Variants in ZNF394 observed in about 807,000 individuals in gnomAD.
ZNF394 encodes the protein zinc finger protein 99.
A neutral mutation model predicts 21.8 loss-of-function variants in ZNF394; 19 were observed. The ratio of observed to expected loss-of-function variants is 0.87; its 90% confidence interval spans 0.61 to 1.28. The LOEUF is 1.28. ZNF394 is among the 50% of genes most tolerant of loss of function. The pLI is 0.00. For missense variants in ZNF394, 683 were observed against 708.6 expected (o/e 0.96, Z 0.41); for synonymous variants, 294 against 273.3 (o/e 1.08, Z -0.75).
chr7:99,498,458 A>G (rs1800404613), intron 2 of ZNF394: 3 of 359,276 alleles, frequency 8.4e-6, no homozygotes, highest in Non-Finnish European at 1.5e-5. Context: ...AAGATCTGAT[A>G]AACTTGGGTG....
At chr7:99,496,262 T>TGCCC (rs1800305733) in intron 2 of ZNF394, among the ~76,000 whole-genome samples, 1 of 151,300 alleles carries the variant, frequency 6.6e-6, no homozygotes, top group Admixed American at 6.6e-5. Flanking sequence ...GTGATTCACC[T>TGCCC]GCCTCGGCCT....
rs764235626 is a variant in ZNF394, at chr7:99,493,590, C to A, written c.1625G>T (p.Arg542Leu). ...ERFRQSTHLI[R>L]HQRIHQNKVL... Reference sequence around the variant, plus strand: ...TTTATTTTGATGAATTCTTTGGTGTCGGATAAGGTGTGTACTTTGTCTAAA... The same window carrying A: ...TTTATTTTGATGAATTCTTTGGTGTAGGATAAGGTGTGTACTTTGTCTAAA... The change falls in exon 3 of 3, where the codon CGA (arginine) becomes CTA (leucine). Residue 542 changes from arginine (R) to leucine (L), a missense_variant. Arg to Leu is a moderately radical substitution (Grantham distance 102). Coordinates refer to ENST00000337673, the MANE Select transcript of ZNF394 (RefSeq NM_032164.4). The A allele has an allele frequency of 1.2e-6, 2 of 1,613,886 alleles. No homozygotes were observed. Among genetic ancestry groups the A allele is most frequent in the South Asian group, 2.2e-5 (2 of 91,050 alleles).
Position 99,498,723 on chromosome 7 carries a change from A to G in ZNF394, c.576T>C (p.Val192=). ...ESAQKDSGST[V]PPSLESRVEN... The stretch of plus-strand genomic sequence containing the variant: ...CAGAGCAACAGCACTCACTCGGCGG[A>G]ACTGTGCTCCCGGAATCCTTCTGCG... The change falls in exon 2 of 3, where the codon GTT becomes GTC. Residue 192 remains valine (V), a synonymous_variant. Transcript: ENST00000337673. 1 of 1,614,038 alleles carries G rather than the reference A, an allele frequency of 6.2e-7. No homozygotes were observed. Among genetic ancestry groups the G allele is most frequent in the Non-Finnish European group, 8.5e-7 (1 of 1,179,990 alleles).
chr7:99,487,763 G>A (rs1292659645), intron 1 of ZNF394, among the ~76,000 whole-genome samples: 1 of 151,610 alleles, frequency 6.6e-6, no homozygotes, highest in African/African-American at 2.4e-5. Flanking sequence ...GTGACAGAGT[G>A]AGGCTGTCTC....
In ZNF394 at chr7:99,493,820, C is replaced by A; in HGVS notation, c.1395G>T (p.Gly465=). 1 of 1,611,928 alleles carries A rather than the reference C, an allele frequency of 6.2e-7. No individual in the cohort carries two copies. The highest frequency in any genetic ancestry group is 8.5e-7 in the Non-Finnish European group (1 of 1,179,448). ...NLFRHQRLHK[G]ERPYKCEECE... is the part of the protein sequence containing the mutation. Reference sequence around the variant, plus strand: ...ATTCTTCACACTTATAGGGTCTTTCCCCTTTATGTAGTCTCTGATGTCTAA... The same window carrying A: ...ATTCTTCACACTTATAGGGTCTTTCACCTTTATGTAGTCTCTGATGTCTAA... The change falls in exon 3 of 3, where the codon GGG becomes GGT. Residue 465 remains glycine, a synonymous_variant. Transcript: ENST00000337673.
chr7:99,492,639 CAAAAA>C, downstream of ZNF394, among the ~76,000 whole-genome samples: 1 of 50,488 alleles, frequency 2.0e-5, no homozygotes, highest in South Asian at 7.5e-4. Context: ...GACTCCATCT[CAAAAA>C]AAAAAAAAAA....
chr7:99,486,821 G>A (rs755752640), exon 2 of ZNF394: 12 of 1,614,116 alleles, frequency 7.4e-6, no homozygotes, highest in South Asian at 1.1e-5. Context: ...TATGAATGCA[G>A]TGAATGTGGA....
rs201819396 is a variant in ZNF394 at position 99,498,702 on chromosome 7, G to A, written c.583+14C>T. On this transcript the variant is annotated intron_variant, in intron 2 of 2. Transcript: ENST00000337673. ...CCACACACCGCAATAAACCAGCAGA[G>A]CAACAGCACTCACTCGGCGGAACTG... is the stretch of plus-strand genomic sequence containing the variant. The A allele has an allele frequency of 5.0e-5, 81 of 1,613,744 alleles. 1 individual carries two copies. The highest frequency in any genetic ancestry group is 1.6e-4 in the Middle Eastern group (1 of 6,082).
chr7:99,494,292 G>C lies in ZNF394; in HGVS notation c.923C>G (p.Thr308Ser). 2 of 1,614,250 alleles carry C rather than the reference G, an allele frequency of 1.2e-6. No individual in the cohort carries two copies. Among genetic ancestry groups the C allele is most frequent in the African/African-American group, 1.3e-5 (1 of 75,058 alleles). The change falls in exon 3 of 3, where the codon ACT (threonine) becomes AGT (serine). Residue 308 changes from threonine to serine, a missense_variant. This residue lies in a region of ZNF394 where 7 missense variants were observed against 20.6 expected (regional missense o/e 0.34). Coordinates refer to ENST00000337673, the MANE Select transcript of ZNF394 (RefSeq NM_032164.4). ...CTTGTTCCCGTGTTCCTCACTGTCA[G>C]TGGGCCTCTCTGCTTTCGGGATGTG... ...CQHIPKAERP[T>S]DSEEHGNKCK...
intron 2 of ZNF394, chr7:99,498,356 G>A (rs1424731416): frequency 5.3e-6 from 1 of 189,788 alleles, no homozygotes; most frequent in African/African-American, 2.4e-5. Flanking sequence ...TACCTCTGGA[G>A]AAGGATAGAG....
intron 1 of ZNF394, chr7:99,487,484 CATG>C (rs1800033691): frequency 6.2e-7 from 1 of 1,606,296 alleles, no homozygotes. Flanking sequence ...CAGATATCCA[CATG>C]ATGTTAATTG....
intron 1 of ZNF394, chr7:99,487,275 T>A (rs1434001115): frequency 1.2e-6 from 2 of 1,614,188 alleles, no homozygotes; most frequent in Non-Finnish European, 1.7e-6. Flanking sequence ...GGAATGTGGA[T>A]CTCATTCAGC....
intron 2 of ZNF394, among the ~76,000 whole-genome samples, chr7:99,497,112 GTGTGTGTGTGTATATATATATATATATA>G (rs1280908893): frequency 9.4e-5 from 11 of 117,376 alleles, no homozygotes; most frequent in Admixed American, 4.2e-4. Flanking sequence ...GTGTGTGTGT[GTGTGTGTGTGTATATATATATATATATA>G]TGTATATATA....
chr7:99,489,662 A>G (rs1381871398), downstream of ZNF394, among the ~76,000 whole-genome samples: 4 of 152,172 alleles, frequency 2.6e-5, no homozygotes, highest in Non-Finnish European at 5.9e-5. Flanking sequence ...ACTTGTATTC[A>G]AAAAGTGTCA....
At position 99,494,021 on chromosome 7, in the gene ZNF394, ACTCTGGCTGAAGCTTTTCC is replaced by A. The variant is rs749506038; in HGVS notation, c.1175_1193del (p.Gly392ValfsTer4). On this transcript the variant is annotated frameshift_variant, in exon 3 of 3. Coordinates refer to ENST00000337673, the MANE Select transcript of ZNF394 (RefSeq NM_032164.4). LOFTEE classifies it low-confidence loss of function (END_TRUNC). ...TCCTCTGGTGCTTGGTCAGGGCAGC[ACTCTGGCTGAAGCTTTTCC>A]CACATTCTTGGCAGCCATAGGGTTT... The A allele has an allele frequency of 1.2e-6, 2 of 1,613,528 alleles. No homozygotes were observed. The highest frequency in any genetic ancestry group is 2.2e-5 in the South Asian group (2 of 91,070).
chr7:99,498,029 A>G (rs1025720517), intron 2 of ZNF394: 6 of 152,244 alleles, frequency 3.9e-5, no homozygotes, highest in African/African-American at 1.4e-4. Context: ...GTCTCTAGGC[A>G]TATTCTCTTC....
intron 2 of ZNF394, among the ~76,000 whole-genome samples, chr7:99,496,148 A>T (rs1483219758): frequency 6.6e-6 from 1 of 151,718 alleles, no homozygotes; most frequent in Non-Finnish European, 1.5e-5. Context: ...AGTAGGTATT[A>T]TAGTAGGTAT....
chr7:99,497,804 G>C (rs1386492205), intron 2 of ZNF394: 1 of 152,124 alleles, frequency 6.6e-6, no homozygotes, highest in Non-Finnish European at 1.5e-5. Context: ...AGAAGTTGCA[G>C]TGAGCTGAGA....
intron 2 of ZNF394, among the ~76,000 whole-genome samples, chr7:99,496,408 T>G (rs1042849439): frequency 2.0e-5 from 3 of 151,888 alleles, no homozygotes; most frequent in Non-Finnish European, 4.4e-5. Context: ...CAGAGTAGAG[T>G]AGAATATTCC....
Sources: allele counts gnomAD v4.1 joint callset (sites outside exome capture counted in the v4.1 genomes callset), GRCh38; gene constraint gnomAD v4.1.1; regional missense constraint gnomAD v4.1.1; transcripts MANE v1.5; gene names NCBI Gene and HGNC (gene_info 2026-07-23, HGNC 2026-07-21).